The following MSH4 variants were observed in gnomAD, a reference collection of about 807,000 sequenced individuals.
The protein encoded by MSH4 is mutS protein homolog 4.
A neutral mutation model predicts 113.7 loss-of-function variants in MSH4; 106 were observed. The ratio of observed to expected loss-of-function variants is 0.93; its 90% CI spans 0.80 to 1.10. MSH4 has a LOEUF of 1.10. MSH4 is among the 50% of genes least tolerant of loss of function. The probability of loss-of-function intolerance (pLI) is 0.00; values close to 1 mark genes in which losing one functional copy is unlikely to be tolerated. For missense variants in MSH4, 1,061 were observed against 1,093.7 expected (o/e 0.97, Z 0.42); for synonymous variants, 368 against 380.2 (o/e 0.97, Z 0.37).
chr1:75,839,371 T>G (rs1475722934), intron 7 of MSH4, among the ~76,000 whole-genome samples: 1 of 152,002 alleles, frequency 6.6e-6, no homozygotes, highest in Non-Finnish European at 1.5e-5. Context: ...CCCACCACCA[T>G]GCCTGGCTAA....
intron 9 of MSH4, among the ~76,000 whole-genome samples, chr1:75,871,211 AACTC>A (rs1651706396): frequency 6.6e-6 from 1 of 152,148 alleles, no homozygotes; most frequent in Non-Finnish European, 1.5e-5. Flanking sequence ...ATCTGATGAG[AACTC>A]ACTCACCATC....
At chr1:75,875,790 G>T (rs940173672) in intron 9 of MSH4, among the ~76,000 whole-genome samples, 2 of 151,792 alleles carry the variant, frequency 1.3e-5, no homozygotes, top group Admixed American at 1.3e-4. Flanking sequence ...TATATTAATG[G>T]TATGTCAGGT....
intron 15 of MSH4, among the ~76,000 whole-genome samples, chr1:75,887,727 A>G (rs1441648656): frequency 6.6e-6 from 1 of 152,122 alleles, no homozygotes; most frequent in Non-Finnish European, 1.5e-5. Flanking sequence ...TAAATTAGCA[A>G]ATTGTCCCCA....
chr1:75,855,204 A>C (rs1651289998), intron 8 of MSH4, among the ~76,000 whole-genome samples: 1 of 151,966 alleles, frequency 6.6e-6, no homozygotes, highest in Non-Finnish European at 1.5e-5. Flanking sequence ...CACCCAACTA[A>C]TTTTTAAGTT....
intron 8 of MSH4, among the ~76,000 whole-genome samples, chr1:75,860,417 T>C (rs761869060): frequency 3.3e-5 from 5 of 152,206 alleles, no homozygotes; most frequent in Non-Finnish European, 7.4e-5. Flanking sequence ...TTCCTATCCA[T>C]GTTTAGTGCT....
chr1:75,821,854 T>G (rs1650421381), intron 6 of MSH4, among the ~76,000 whole-genome samples: 1 of 152,168 alleles, frequency 6.6e-6, no homozygotes, highest in Admixed American at 6.5e-5. Context: ...GTATTCCTCC[T>G]GCCTTGGCCT....
At chr1:75,806,273 A>C (rs1233805595) in intron 2 of MSH4, among the ~76,000 whole-genome samples, 2 of 103,704 alleles carry the variant, frequency 1.9e-5, no homozygotes, top group South Asian at 6.7e-4. Flanking sequence ...TTTGAGAAGG[A>C]GTCTCGCTCT....
intron 19 of MSH4, among the ~76,000 whole-genome samples, chr1:75,910,134 C>A (rs1652757185): frequency 6.6e-6 from 1 of 152,064 alleles, no homozygotes. Context: ...CTTTTTACTG[C>A]AAACTTATCA....
At chr1:75,849,252 C>A (rs1031959273) in intron 8 of MSH4, among the ~76,000 whole-genome samples, 2 of 152,010 alleles carry the variant, frequency 1.3e-5, no homozygotes, top group Non-Finnish European at 2.9e-5. Flanking sequence ...ATATTCTTAA[C>A]CTTTAAGAAT....
chr1:75,874,051 A>G (rs937312027), intron 9 of MSH4, among the ~76,000 whole-genome samples: 3 of 152,130 alleles, frequency 2.0e-5, no homozygotes, highest in Non-Finnish European at 2.9e-5. Flanking sequence ...CAGTGTATAA[A>G]TGTTCTTCTT....
At chr1:75,865,711 G>A (rs112111045) in intron 8 of MSH4, among the ~76,000 whole-genome samples, 40 of 152,306 alleles carry the variant, frequency 2.6e-4, no homozygotes, top group African/African-American at 9.1e-4. Flanking sequence ...TAGTTTCACC[G>A]TGTGATTAAT....
At chr1:75,803,956 T>G in intron 2 of MSH4, 43 bp downstream of exon 2, 2 of 1,319,554 alleles carry the variant, frequency 1.5e-6, no homozygotes, top group Non-Finnish European at 2.0e-6. Flanking sequence ...TTTTGAAACT[T>G]AAAAGTTTTA....
rs770456037 is a variant in MSH4 at position 75,810,792 on chromosome 1, C to T, written c.684C>T (p.Ile228=). 1.9e-6 allele frequency: 3 copies of T among 1,562,058 alleles called. No homozygotes were observed. Among genetic ancestry groups the T allele is most frequent in the Non-Finnish European group, 1.7e-6 (2 of 1,148,882 alleles). ...ATTCCACCAAGTTGTTCACTCTGAT[C>T]ACAGAAAATTTCAAGGTAAGTGATG... is the stretch of plus-strand genomic sequence containing the variant. The part of the protein sequence containing the change: ...VGNSTKLFTL[I]TENFKNVNFT... Residue 228 remains isoleucine, a synonymous_variant, in exon 4 of 20, where the codon ATC becomes ATT. Coordinates refer to ENST00000263187, the MANE Select transcript of MSH4 (RefSeq NM_002440.4).
intron 19 of MSH4, among the ~76,000 whole-genome samples, chr1:75,908,745 G>C (rs1203173766): frequency 6.6e-6 from 1 of 152,120 alleles, no homozygotes. Flanking sequence ...TTGCTTAGAA[G>C]TTCTTTGCAA....
At chr1:75,832,625 T>G (rs1462080156) in intron 7 of MSH4, among the ~76,000 whole-genome samples, 1 of 152,032 alleles carries the variant, frequency 6.6e-6, no homozygotes, top group Non-Finnish European at 1.5e-5. Flanking sequence ...GCAAGGGTGG[T>G]TCAACATACT....
intron 19 of MSH4, among the ~76,000 whole-genome samples, chr1:75,912,365 G>C (rs1325851733): frequency 6.6e-6 from 1 of 152,006 alleles, no homozygotes; most frequent in African/African-American, 2.4e-5. Flanking sequence ...GTCTATCTCT[G>C]GTGGATTTTC....
intron 8 of MSH4, among the ~76,000 whole-genome samples, chr1:75,851,599 G>A (rs1202374079): frequency 6.6e-6 from 1 of 151,924 alleles, no homozygotes; most frequent in Non-Finnish European, 1.5e-5. Flanking sequence ...TAGTACAGAT[G>A]GGGTTTTGCC....
intron 8 of MSH4, among the ~76,000 whole-genome samples, chr1:75,859,038 T>C (rs997129048): frequency 6.6e-6 from 1 of 152,230 alleles, no homozygotes; most frequent in African/African-American, 2.4e-5. Flanking sequence ...CTAGATTTTC[T>C]AGTTTATTTG....
At chr1:75,852,865 A>C (rs1651218503) in intron 8 of MSH4, among the ~76,000 whole-genome samples, 2 of 152,134 alleles carry the variant, frequency 1.3e-5, no homozygotes, top group South Asian at 4.1e-4. Context: ...GATCAAAAAA[A>C]TGAATACTTA....
Sources: gnomAD v4.1 joint callset for allele counts (sites outside exome capture counted in the v4.1 genomes callset) on GRCh38, gnomAD v4.1.1 for gene constraint, MANE v1.5 for transcripts, NCBI Gene and HGNC (gene_info 2026-07-23, HGNC 2026-07-21) for gene names.